Variants in CERT1 observed in about 807,000 individuals in gnomAD.
The protein encoded by CERT1 is ceramide transporter 1.
Under a neutral mutation model 87.9 loss-of-function variants are expected in CERT1, and 31 were observed. That is an observed-to-expected ratio of 0.35 (90% CI 0.27 to 0.48). The LOEUF (loss-of-function observed/expected upper bound fraction) is 0.48. CERT1 is among the 20% of genes least tolerant of loss of function. The probability of loss-of-function intolerance (pLI) is 0.99; values close to 1 mark genes in which losing one functional copy is unlikely to be tolerated. For missense variants in CERT1, 487 were observed against 758.0 expected, an observed-to-expected ratio of 0.64 and a Z score of 4.20; for synonymous variants, 289 against 250.9, an observed-to-expected ratio of 1.15 and a Z score of -1.44.
At chr5:75,400,535 G>A (rs557405301) in intron 9 of CERT1, 18 of 407,282 alleles carry the variant, frequency 4.4e-5, no homozygotes, top group East Asian at 3.6e-4. Flanking sequence ...GGATAAGTTC[G>A]TTGATTTTGC....
intron 2 of CERT1, among the ~76,000 whole-genome samples, chr5:75,477,660 A>AAC (rs2112377314): frequency 6.7e-6 from 1 of 150,262 alleles, no homozygotes; most frequent in South Asian, 2.1e-4. Context: ...AAAAAAAAAA[A>AAC]AAAAAAAAAC....
At position 75,387,980 on chromosome 5, in the gene CERT1, T is replaced by A. The variant is rs72768357; in HGVS notation, c.1284+1612A>T. ...GGCTTCTCTTTAGTACTTCACTTCC[T>A]CCTCCCCAGAGGGAGGTGACTCTAC... On this transcript the variant is annotated intron_variant, in intron 12 of 16. Coordinates refer to ENST00000643780, the MANE Select transcript of CERT1 (RefSeq NM_001379029.1). Among the ~76,000 whole-genome samples the A allele has an allele frequency of 2.5e-3, 383 of 152,148 alleles. 2 individuals are homozygous for A. Among genetic ancestry groups the A allele is most frequent in the Non-Finnish European group, 3.9e-3 (268 of 67,990 alleles).
At chr5:75,388,700 A>T (rs1477844012) in intron 12 of CERT1, among the ~76,000 whole-genome samples, 1 of 147,438 alleles carries the variant, frequency 6.8e-6, no homozygotes, top group African/African-American at 2.5e-5. Flanking sequence ...AACGCGGCTC[A>T]TTGCAGCCTT....
rs188298458 is a variant in CERT1, at chr5:75,396,441, T to A, written c.1188+2869A>T. On this transcript the variant is annotated intron_variant, in intron 11 of 16. Coordinates refer to ENST00000643780, the MANE Select transcript of CERT1 (RefSeq NM_001379029.1). ...ATGTATATTTGTGTATTAAGAACGATGTAGGCCAGGTGTGGCGGCTCATGC... is the reference window on the plus strand; with the variant it reads ...ATGTATATTTGTGTATTAAGAACGAAGTAGGCCAGGTGTGGCGGCTCATGC... Among the ~76,000 whole-genome samples the A allele has an allele frequency of 2.6e-5, 4 of 152,248 alleles. No individual in the cohort carries two copies. The East Asian group carries it at 7.7e-4, about 29-fold the overall frequency.
intron 3 of CERT1, among the ~76,000 whole-genome samples, chr5:75,431,781 G>C (rs183846976): frequency 1.3e-5 from 2 of 152,148 alleles, no homozygotes; most frequent in African/African-American, 2.4e-5. Context: ...ATTCCATGGG[G>C]TATATATGCC....
At chr5:75,506,254 A>G in intron 1 of CERT1, 138 bp from the exon 2 acceptor site, 1 of 637,838 alleles carries the variant, frequency 1.6e-6, no homozygotes, top group South Asian at 3.0e-5. Context: ...CATAAACAGT[A>G]AAATGATTAC....
intron 12 of CERT1, among the ~76,000 whole-genome samples, 175 bp downstream of exon 12, chr5:75,389,417 G>T (rs1761942256): frequency 6.6e-6 from 1 of 152,132 alleles, no homozygotes; most frequent in Non-Finnish European, 1.5e-5. Flanking sequence ...TAAAGGCAAA[G>T]CCAGAAAAGC....
intron 2 of CERT1, among the ~76,000 whole-genome samples, chr5:75,493,863 TTTTC>T (rs1253203143): frequency 6.6e-6 from 1 of 152,182 alleles, no homozygotes; most frequent in African/African-American, 2.4e-5. Context: ...ACAAAAATCT[TTTTC>T]TTTACTTTCT....
intron 2 of CERT1, among the ~76,000 whole-genome samples, chr5:75,472,047 T>C (rs932419326): frequency 8.5e-5 from 13 of 152,152 alleles, no homozygotes; most frequent in African/African-American, 3.1e-4. Context: ...ACTATAGGAA[T>C]CAAATCAACA....
chr5:75,393,617 A>AAAAAAAAAAAAG (rs1561229702), intron 11 of CERT1, among the ~76,000 whole-genome samples: 2 of 144,362 alleles, frequency 1.4e-5, no homozygotes, highest in East Asian at 4.0e-4. Flanking sequence ...AAAAAAAAAA[A>AAAAAAAAAAAAG]AAAAAAGAAA....
intron 6 of CERT1, among the ~76,000 whole-genome samples, chr5:75,417,729 TG>T (rs1316320316): frequency 6.6e-6 from 1 of 152,202 alleles, no homozygotes; most frequent in Non-Finnish European, 1.5e-5. Flanking sequence ...TAAATCAAAA[TG>T]TAAAATTTCT....
rs1761431520 is a variant in CERT1, at chr5:75,378,790, T to C, written c.*556A>G. The C allele has an allele frequency of 6.6e-6, 1 of 152,266 alleles. No individual in the cohort carries two copies. Among genetic ancestry groups the C allele is most frequent in the Non-Finnish European group, 1.5e-5 (1 of 68,048 alleles). 9.4% of individuals were successfully genotyped at this position (152,266 alleles called of 1,614,324 possible). Reference sequence around the variant, plus strand: ...AAAGAATACAGGAAGTTTGCACTTCTACAATTCTACAGTTCTATAATATCA... The same window carrying C: ...AAAGAATACAGGAAGTTTGCACTTCCACAATTCTACAGTTCTATAATATCA... On this transcript the variant is annotated 3_prime_UTR_variant, in exon 17 of 17. Coordinates refer to ENST00000643780, the MANE Select transcript of CERT1 (RefSeq NM_001379029.1).
chr5:75,510,751 G>A (rs1462953031), intron 1 of CERT1, among the ~76,000 whole-genome samples: 1 of 152,086 alleles, frequency 6.6e-6, no homozygotes, highest in Non-Finnish European at 1.5e-5. Context: ...CCTCTTTTAA[G>A]AGGTCCGACT....
At chr5:75,416,368 C>A (rs1295643211) in intron 7 of CERT1, among the ~76,000 whole-genome samples, 1 of 152,032 alleles carries the variant, frequency 6.6e-6, no homozygotes, top group Non-Finnish European at 1.5e-5. Context: ...AAGAGTCATA[C>A]TATAATATTA....
chr5:75,431,584 A>G (rs1170009184), intron 3 of CERT1, among the ~76,000 whole-genome samples: 1 of 152,194 alleles, frequency 6.6e-6, no homozygotes, highest in Non-Finnish European at 1.5e-5. Context: ...CTAATGTTGG[A>G]CATAAATTAT....
chr5:75,471,754 C>CAA (rs796209502), intron 2 of CERT1, among the ~76,000 whole-genome samples: 4,494 of 50,016 alleles, frequency 0.09, 290 homozygotes, highest in African/African-American at 0.18. Context: ...GACTTCATCT[C>CAA]AAAAAAAAAA....
intron 17 of CERT1, chr5:75,369,856 C>T (rs1353880368): frequency 6.6e-6 from 1 of 152,214 alleles, no homozygotes; most frequent in African/African-American, 2.4e-5. Flanking sequence ...GGTATTTGTG[C>T]AAGGCTATTC....
At chr5:75,437,697 C>T (rs963567700) in intron 3 of CERT1, among the ~76,000 whole-genome samples, 1 of 148,686 alleles carries the variant, frequency 6.7e-6, no homozygotes, top group Admixed American at 6.8e-5. Context: ...ACCCGGGAGG[C>T]AGAGGTTGCA....
At chr5:75,388,068 C>T (rs991311952) in intron 12 of CERT1, among the ~76,000 whole-genome samples, 4 of 152,152 alleles carry the variant, frequency 2.6e-5, no homozygotes, top group African/African-American at 9.7e-5. Flanking sequence ...CTTTCTTCCG[C>T]GAAGAGCATA....
Sources: allele counts gnomAD v4.1 joint callset (sites outside exome capture counted in the v4.1 genomes callset), GRCh38; gene constraint gnomAD v4.1.1; transcripts MANE v1.5; gene names NCBI Gene and HGNC (gene_info 2026-07-23, HGNC 2026-07-21).